The following NOP9 variants were observed in gnomAD, a reference collection of about 807,000 sequenced individuals.
NOP9 encodes the protein nucleolar protein 9.
NOP9 carries 50 observed loss-of-function variants against 63.0 expected under a neutral mutation model. The observed-to-expected ratio is 0.79, with a 90% CI of 0.63 to 1.00. The LOEUF is 1.00. Ranked by LOEUF, NOP9 falls within the 50% of genes least tolerant of loss-of-function variation. NOP9 has a pLI of 0.00. For synonymous variants in NOP9, 343 were observed against 332.8 expected, an observed-to-expected ratio of 1.03 and a Z score of -0.33; for missense variants, 758 against 803.0, an observed-to-expected ratio of 0.94 and a Z score of 0.68.
chr14:24,300,239 A>T (rs1389239250), intron 1 of NOP9, 38 bp downstream of exon 1: 3 of 1,603,040 alleles, frequency 1.9e-6, no homozygotes, highest in Non-Finnish European at 1.7e-6. Context: ...AAGAGCATCA[A>T]ATCCAGGGCA....
Position 24,301,711 on chromosome 14 carries a change from A to G in NOP9, c.797A>G (p.Lys266Arg). Residue 266 changes from lysine to arginine, a missense_variant, in exon 3 of 10, where the codon AAG becomes AGG. Physicochemically the swap from Lys to Arg is conservative, Grantham distance 26 (BLOSUM62 2). Coordinates refer to ENST00000267425, the MANE Select transcript of NOP9 (RefSeq NM_174913.3). ...CAGGACCTGAGCTCCTCCTTTCTGA[A>G]GGACATTGCAGGTAAGGAGGGAAGT... ...RLQDLSSSFLKDIAVFITDKI... is the reference protein window; with the variant it reads ...RLQDLSSSFLRDIAVFITDKI... The G allele has an allele frequency of 6.2e-7, 1 of 1,614,168 alleles. No individual in the cohort carries two copies. Among genetic ancestry groups the G allele is most frequent in the Non-Finnish European group, 8.5e-7 (1 of 1,180,016 alleles).
the NOP9 span, among the ~76,000 whole-genome samples, chr14:24,283,995 A>G: frequency 6.6e-6 from 1 of 152,166 alleles, no homozygotes; most frequent in African/African-American, 2.4e-5. Flanking sequence ...AGGCCAGGGC[A>G]CCCATGGGCA....
rs148427815 is a variant in NOP9, at chr14:24,306,377, T to C, written c.*1282T>C. ...AGCCCCAGTATAGGCCTCTTACCCTTGTAGGGCTCCAGCTCTGACCAGACT... is the reference window on the plus strand; with the variant it reads ...AGCCCCAGTATAGGCCTCTTACCCTCGTAGGGCTCCAGCTCTGACCAGACT... On this transcript the variant is annotated 3_prime_UTR_variant, in exon 10 of 10. Transcript: ENST00000267425. 23 of 1,614,184 alleles carry C rather than the reference T, an allele frequency of 1.4e-5. No homozygotes were observed. The highest frequency in any genetic ancestry group is 3.3e-4 in the Middle Eastern group (2 of 6,062).
intron 6 of NOP9, 109 bp downstream of exon 6, chr14:24,303,323 C>G: frequency 1.5e-6 from 2 of 1,373,858 alleles, no homozygotes. Context: ...AGTCTAATGC[C>G]CAAGGAGTTC....
Position 24,306,389 on chromosome 14 carries a change from G to C in NOP9, c.*1294G>C. ...GGCCTCTTACCCTTGTAGGGCTCCA[G>C]CTCTGACCAGACTGCAACACCATCA... On this transcript the variant is annotated 3_prime_UTR_variant, in exon 10 of 10. Coordinates refer to ENST00000267425, the MANE Select transcript of NOP9 (RefSeq NM_174913.3). 1 of 1,614,216 alleles carries C rather than the reference G, an allele frequency of 6.2e-7. No individual in the cohort carries two copies. The highest frequency in any genetic ancestry group is 1.1e-5 in the South Asian group (1 of 91,088).
chr14:24,305,051 G>A lies in NOP9; in HGVS notation c.1867G>A (p.Val623Met), dbSNP rs760814646. The A allele has an allele frequency of 2.5e-6, 4 of 1,596,324 alleles. No homozygotes were observed. The South Asian group carries it at 4.5e-5, about 18-fold the overall frequency. ...REAWEQQQGA[V>M]AKRRRALNSI... ...GGCTTGGGAACAGCAGCAGGGTGCG[G>A]TGGCCAAGCGGAGGCGGGCATTGAA... Residue 623 changes from valine to methionine, a missense_variant, in exon 10 of 10, where the codon GTG becomes ATG. Coordinates refer to ENST00000267425, the MANE Select transcript of NOP9 (RefSeq NM_174913.3).
At chr14:24,289,774 C>T in the NOP9 span, among the ~76,000 whole-genome samples, 1 of 152,198 alleles carries the variant, frequency 6.6e-6, no homozygotes, top group East Asian at 1.9e-4. Context: ...CACATGAAAT[C>T]ACTGAATGAG....
the NOP9 span, among the ~76,000 whole-genome samples, chr14:24,287,715 C>G: frequency 6.6e-6 from 1 of 152,210 alleles, no homozygotes; most frequent in Non-Finnish European, 1.5e-5. Context: ...ACCTCCACCC[C>G]TCGCCCATCC....
At position 24,303,080 on chromosome 14, in the gene NOP9, CCT is replaced by C. The variant is rs2041405257; in HGVS notation, c.1151_1152del (p.Pro384ArgfsTer3). ...ATTCCATGTTTCCCATCAGCTGTCC[CCT>C]GTGTTTGAGGAGCTGAGCCCTGTCT... ...DAVTTPELLS[P>X]VFEELSPVLE... On this transcript the variant is annotated frameshift_variant, in exon 6 of 10. Transcript: ENST00000267425. LOFTEE classifies it high-confidence loss of function. 6.5e-7 allele frequency: 1 copy of C among 1,536,276 alleles called. No homozygotes were observed. The highest frequency in any genetic ancestry group is 1.4e-5 in the African/African-American group (1 of 70,812).
At chr14:24,292,634 A>G in the NOP9 span, 18 of 1,614,214 alleles carry the variant, frequency 1.1e-5, 1 homozygote, top group South Asian at 1.9e-4. Flanking sequence ...CTCAGCTCCT[A>G]TGCCACTGGG....
At chr14:24,304,445 C>G in intron 8 of NOP9, 48 bp from the exon 9 acceptor site, 1 of 1,513,330 alleles carries the variant, frequency 6.6e-7, no homozygotes, top group African/African-American at 1.4e-5. Context: ...CTCCAAAATA[C>G]TTTTGTGGAT....
the NOP9 span, among the ~76,000 whole-genome samples, chr14:24,274,568 A>G: frequency 2.6e-5 from 4 of 151,488 alleles, no homozygotes; most frequent in African/African-American, 9.7e-5. Flanking sequence ...TTGGCCTCCT[A>G]TGTGGGATAA....
rs1454114955 is a variant in NOP9, at chr14:24,305,096, G to A, written c.*1G>A. ...ATTGAACTCCATACTTGAAGACTGA[G>A]GCTTTGGATCTGGGACTGGGTGTTG... On this transcript the variant is annotated 3_prime_UTR_variant, in exon 10 of 10. Transcript: ENST00000267425. 1 of 1,500,560 alleles carries A rather than the reference G, an allele frequency of 6.7e-7. No homozygotes were observed. The highest frequency in any genetic ancestry group is 8.9e-7 in the Non-Finnish European group (1 of 1,118,904). 93.0% of individuals were successfully genotyped at this position (1,500,560 alleles called of 1,614,324 possible). A position where few individuals can be genotyped will look rare whatever the true frequency, so the allele number is the denominator to read the frequency against.
At position 24,305,633 on chromosome 14, in the gene NOP9, TTAG is replaced by T; in HGVS notation, c.*542_*544del. The T allele has an allele frequency of 6.2e-7, 1 of 1,612,048 alleles. No individual in the cohort carries two copies. Among genetic ancestry groups the T allele is most frequent in the South Asian group, 1.1e-5 (1 of 90,798 alleles). Reference sequence around the variant, plus strand: ...TCTGGGGGCAGAAGCTCAGAGCCCCTTAGTAGGAATGGAGGCGGCCCTTCTGCT... The same window carrying T: ...TCTGGGGGCAGAAGCTCAGAGCCCCTTAGGAATGGAGGCGGCCCTTCTGCT... On this transcript the variant is annotated 3_prime_UTR_variant, in exon 10 of 10. Transcript: ENST00000267425.
At chr14:24,298,990 G>A (rs771060650), upstream of NOP9, 10 of 1,613,046 alleles carry the variant, frequency 6.2e-6, no homozygotes, top group Non-Finnish European at 8.5e-6. Flanking sequence ...TGTCCAGATG[G>A]CGGCCAGTGA....
the NOP9 span, among the ~76,000 whole-genome samples, chr14:24,290,123 T>C: frequency 1.9e-4 from 29 of 152,348 alleles, no homozygotes; most frequent in African/African-American, 6.7e-4. Context: ...GGCAGCTCTA[T>C]AGGGCTCATG....
chr14:24,300,333 C>T, intron 1 of NOP9, 75 bp from the exon 2 acceptor site: 1 of 1,559,410 alleles, frequency 6.4e-7, no homozygotes, highest in South Asian at 1.2e-5. Flanking sequence ...CGACCCACGA[C>T]CCTTGGTTAA....
At chr14:24,290,965 C>T in the NOP9 span, 14 of 1,613,974 alleles carry the variant, frequency 8.7e-6, 1 homozygote, top group East Asian at 6.7e-5. Flanking sequence ...GAGAACAGAG[C>T]TCAAAGACAA....
At chr14:24,302,811 T>A (rs1367333924) in intron 5 of NOP9, among the ~76,000 whole-genome samples, 1 of 152,158 alleles carries the variant, frequency 6.6e-6, no homozygotes, top group Non-Finnish European at 1.5e-5. Context: ...AGAGTGGAAG[T>A]GCAGTTTAAT....
Sources: allele counts gnomAD v4.1 joint callset (sites outside exome capture counted in the v4.1 genomes callset), GRCh38; gene constraint gnomAD v4.1.1; transcripts MANE v1.5; gene names NCBI Gene and HGNC (gene_info 2026-07-23, HGNC 2026-07-21).